The following NBAS variants were observed in gnomAD, a reference collection of about 807,000 sequenced individuals.
NBAS encodes NAG/BC035112 fusion.
A neutral mutation model predicts 302.5 loss-of-function variants in NBAS; 219 were observed. The ratio of observed to expected loss-of-function variants is 0.72; its 90% confidence interval spans 0.65 to 0.81. NBAS has a LOEUF of 0.81. NBAS is among the 30% of genes least tolerant of loss of function. The probability of loss-of-function intolerance (pLI) is 0.00; values close to 1 mark genes in which losing one functional copy is unlikely to be tolerated. For synonymous variants in NBAS, 1,118 were observed against 1,021.6 expected (o/e 1.09, Z -1.80); for missense variants, 2,932 against 2,841.6 (o/e 1.03, Z -0.72).
the NBAS span, among the ~76,000 whole-genome samples, chr2:15,083,905 T>C: frequency 6.6e-6 from 1 of 152,188 alleles, no homozygotes; most frequent in East Asian, 1.9e-4. Flanking sequence ...TGTCTCTGAG[T>C]TTCTGTTTTG....
At chr2:15,086,023 C>T in the NBAS span, among the ~76,000 whole-genome samples, 1 of 152,088 alleles carries the variant, frequency 6.6e-6, no homozygotes, top group Non-Finnish European at 1.5e-5. Context: ...CCCAGTGAGG[C>T]CCCACCTTCA....
At chr2:14,849,315 G>C in the NBAS span, among the ~76,000 whole-genome samples, 1 of 152,028 alleles carries the variant, frequency 6.6e-6, no homozygotes, top group African/African-American at 2.4e-5. Context: ...CGATCAACTG[G>C]AAGAAAGGGT....
At chr2:15,067,125 C>T in the NBAS span, among the ~76,000 whole-genome samples, 8 of 129,278 alleles carry the variant, frequency 6.2e-5, no homozygotes, top group South Asian at 9.8e-4. Flanking sequence ...GAGTTCGAGA[C>T]CAGCCTGAGC....
the NBAS span, among the ~76,000 whole-genome samples, chr2:14,951,916 C>T: frequency 1.5e-3 from 234 of 152,320 alleles, no homozygotes; most frequent in African/African-American, 4.8e-3. Context: ...GGCTGTCTTC[C>T]TCCGATTTTC....
At chr2:15,203,992 C>T (rs2147840196) in intron 48 of NBAS, among the ~76,000 whole-genome samples, 1 of 151,796 alleles carries the variant, frequency 6.6e-6, no homozygotes, top group African/African-American at 2.4e-5. Context: ...GGTGCAGTGG[C>T]TCATGTCTAT....
chr2:15,522,562 A>T (rs1447733731), intron 9 of NBAS, among the ~76,000 whole-genome samples: 5 of 152,240 alleles, frequency 3.3e-5, no homozygotes, highest in Admixed American at 3.3e-4. Flanking sequence ...AAGATATTAC[A>T]TATGCATTCA....
At chr2:15,528,631 G>T (rs928443117) in intron 9 of NBAS, among the ~76,000 whole-genome samples, 1 of 149,570 alleles carries the variant, frequency 6.7e-6, no homozygotes, top group African/African-American at 2.4e-5. Context: ...ACTTTGGGAG[G>T]CTGAGGCGGG....
chr2:15,090,160 C>A, the NBAS span, among the ~76,000 whole-genome samples: 1 of 152,166 alleles, frequency 6.6e-6, no homozygotes, highest in Non-Finnish European at 1.5e-5. Flanking sequence ...TGGCCTCTGC[C>A]ATTTGCTACG....
chr2:15,441,766 C>T lies in NBAS; in HGVS notation c.2340-13972G>A, dbSNP rs551268136. ...TGTGCTGTATTCAGGAAACCCATCTCATGTGCAGAGACAAACATAGGCTCA... is the reference window on the plus strand; with the variant it reads ...TGTGCTGTATTCAGGAAACCCATCTTATGTGCAGAGACAAACATAGGCTCA... On this transcript the variant is annotated intron_variant, in intron 21 of 51. Transcript: ENST00000281513. 5.3e-5 allele frequency among the ~76,000 whole-genome samples: 8 copies of T among 152,256 alleles called. No homozygotes were observed. In the South Asian group the frequency reaches 1.5e-3, roughly 28 times the overall value.
intron 21 of NBAS, among the ~76,000 whole-genome samples, chr2:15,460,184 A>G (rs1208578081): frequency 2.6e-5 from 4 of 152,222 alleles, no homozygotes. Context: ...ATTAGTAAAA[A>G]TGATTTCAGT....
intron 12 of NBAS, among the ~76,000 whole-genome samples, chr2:15,482,538 G>C (rs533146372): frequency 1.3e-5 from 2 of 152,190 alleles, no homozygotes; most frequent in East Asian, 3.9e-4. Flanking sequence ...CTTATGATGG[G>C]TTAGAAGAGG....
At chr2:15,090,828 C>T in the NBAS span, among the ~76,000 whole-genome samples, 36 of 152,322 alleles carry the variant, frequency 2.4e-4, no homozygotes, top group East Asian at 2.3e-3. Context: ...GGCTTTCACA[C>T]GCTAGCCTTA....
At position 15,442,942 on chromosome 2, in the gene NBAS, C is replaced by G. The variant is rs1235023413; in HGVS notation, c.2340-15148G>C. 2.0e-4 allele frequency among the ~76,000 whole-genome samples: 31 copies of G among 152,240 alleles called. No individual in the cohort carries two copies. The East Asian group carries it at 5.0e-3, about 25-fold the overall frequency. ...TTCCTCGACACATACACTCTCCCAA[C>G]ACTAAACCAGGAAGAAGTCGAATCT... On this transcript the variant is annotated intron_variant, in intron 21 of 51. Coordinates refer to ENST00000281513, the MANE Select transcript of NBAS (RefSeq NM_015909.4).
chr2:14,924,378 T>C, the NBAS span, among the ~76,000 whole-genome samples: 2 of 152,228 alleles, frequency 1.3e-5, no homozygotes, highest in Non-Finnish European at 2.9e-5. Context: ...GAAGTTGTTT[T>C]ATATTCCTTC....
At chr2:15,102,718 A>C in the NBAS span, among the ~76,000 whole-genome samples, 1 of 152,118 alleles carries the variant, frequency 6.6e-6, no homozygotes, top group African/African-American at 2.4e-5. Flanking sequence ...CCCAAGAATA[A>C]GTTGGCTTGC....
At chr2:14,800,790 TG>T in the NBAS span, among the ~76,000 whole-genome samples, 28 of 141,720 alleles carry the variant, frequency 2.0e-4, 1 homozygote, top group African/African-American at 2.9e-4. Flanking sequence ...AAATTGTTTT[TG>T]TTTTTTTTTT....
chr2:14,845,589 C>A, the NBAS span, among the ~76,000 whole-genome samples: 1 of 152,148 alleles, frequency 6.6e-6, no homozygotes, highest in Non-Finnish European at 1.5e-5. Context: ...CCTGGAGAAA[C>A]AGAGATATGT....
In NBAS at chr2:15,468,653, C is replaced by A. The variant is rs1047848290; in HGVS notation, c.1726-120G>T. 10 of 1,161,886 alleles carry A rather than the reference C, an allele frequency of 8.6e-6. No individual in the cohort carries two copies. The African/African-American group carries it at 1.5e-4, about 18-fold the overall frequency. 72.0% of individuals were successfully genotyped at this position (1,161,886 alleles called of 1,614,324 possible). Reference sequence around the variant, plus strand: ...TATTACAGCTATTTAGGACCTTGGCCATAGGGAGCTGCTAGAGGAACTCAA... The same window carrying A: ...TATTACAGCTATTTAGGACCTTGGCAATAGGGAGCTGCTAGAGGAACTCAA... On this transcript the variant is annotated intron_variant, in intron 16 of 51. Coordinates refer to ENST00000281513, the MANE Select transcript of NBAS (RefSeq NM_015909.4).
chr2:15,115,454 T>C, the NBAS span, among the ~76,000 whole-genome samples: 1 of 152,188 alleles, frequency 6.6e-6, no homozygotes, highest in African/African-American at 2.4e-5. Flanking sequence ...TATTTAAAAG[T>C]GTGTAGCACT....
Sources: allele counts gnomAD v4.1 joint callset (sites outside exome capture counted in the v4.1 genomes callset), GRCh38; gene constraint gnomAD v4.1.1; transcripts MANE v1.5; gene names NCBI Gene and HGNC (gene_info 2026-07-23, HGNC 2026-07-21).